COL8A1: variants seen among roughly 807,000 people sequenced by gnomAD.
COL8A1 encodes collagen type VIII alpha 1 chain, also known as collagen alpha-1(VIII) chain.
A neutral mutation model predicts 42.7 loss-of-function variants in COL8A1; 21 were observed. The ratio of observed to expected loss-of-function variants is 0.49; its 90% CI spans 0.35 to 0.71. The LOEUF is 0.71. Ranked by LOEUF, COL8A1 falls within the 30% of genes least tolerant of loss-of-function variation. The pLI, the probability that COL8A1 is intolerant of heterozygous loss-of-function variation, is 0.01. For missense variants in COL8A1, 788 were observed against 962.4 expected, an observed-to-expected ratio of 0.82 and a Z score of 2.40; for synonymous variants, 367 against 369.1, an observed-to-expected ratio of 0.99 and a Z score of 0.06.
chr3:99,707,820 A>G (rs1939724049), intron 1 of COL8A1, among the ~76,000 whole-genome samples: 1 of 152,178 alleles, frequency 6.6e-6, no homozygotes, highest in African/African-American at 2.4e-5. Flanking sequence ...TTAATTGAGC[A>G]CTATGTGCAG....
At chr3:99,723,676 AT>A (rs537695678) in intron 1 of COL8A1, among the ~76,000 whole-genome samples, 71 of 152,182 alleles carry the variant, frequency 4.7e-4, no homozygotes, top group African/African-American at 1.5e-3. Flanking sequence ...TTACAAGCAA[AT>A]CTCTTAGAAA....
chr3:99,730,231 T>C (rs551242121), intron 1 of COL8A1, among the ~76,000 whole-genome samples: 1 of 152,250 alleles, frequency 6.6e-6, no homozygotes, highest in East Asian at 1.9e-4. Context: ...GGAAGGAGAC[T>C]GGCTCAAAGG....
intron 1 of COL8A1, among the ~76,000 whole-genome samples, chr3:99,727,929 C>A (rs1185874176): frequency 6.6e-6 from 1 of 151,484 alleles, no homozygotes; most frequent in Admixed American, 6.6e-5. Flanking sequence ...AGGCCTTTGA[C>A]AAAATTCAAC....
intron 2 of COL8A1, among the ~76,000 whole-genome samples, chr3:99,773,837 A>ATATATTT (rs1200212756): frequency 2.2e-5 from 1 of 45,396 alleles, no homozygotes; most frequent in African/African-American, 1.3e-4. Flanking sequence ...ATATATATAT[A>ATATATTT]TTTTTTTTTT....
At position 99,795,609 on chromosome 3, in the gene COL8A1, C is replaced by A. The variant is rs754915313; in HGVS notation, c.1708C>A (p.Pro570Thr). ...GPPGPPGPPG[P>T]PAVMPPTPPP... ...CCCAGGCCCTCCAGGACCTCCAGGA[C>A]CCCCAGCTGTGATGCCCCCTACACC... Residue 570 changes from proline (P) to threonine (T), a missense_variant, in exon 4 of 4, where the codon CCC becomes ACC. Around this residue, in one of 4 missense-constraint regions of COL8A1, gnomAD observed 154 missense variants for 182.3 expected, o/e 0.84. Coordinates refer to ENST00000652472, the MANE Select transcript of COL8A1 (RefSeq NM_020351.4). The A allele has an allele frequency of 1.9e-6, 3 of 1,612,790 alleles. No individual in the cohort carries two copies. Among genetic ancestry groups the A allele is most frequent in the Non-Finnish European group, 2.5e-6 (3 of 1,179,296 alleles).
Position 99,796,078 on chromosome 3 carries a change from T to G in COL8A1, c.2177T>G (p.Leu726Arg). The part of the protein sequence containing the change: ...LQMPSEQAAG[L>R]YAGQYVHSSF... The stretch of plus-strand genomic sequence containing the variant: ...ATGCCCTCAGAACAGGCTGCAGGAC[T>G]GTATGCCGGGCAGTATGTCCACTCC... The change falls in exon 4 of 4, where the codon CTG (leucine) becomes CGG (arginine). Residue 726 changes from leucine to arginine, a missense_variant. By Grantham distance (102) the Leu-to-Arg change is moderately radical. Coordinates refer to ENST00000652472, the MANE Select transcript of COL8A1 (RefSeq NM_020351.4). 1 of 1,593,230 alleles carries G rather than the reference T, an allele frequency of 6.3e-7. No homozygotes were observed.
chr3:99,732,191 T>C (rs1940530555), intron 1 of COL8A1, among the ~76,000 whole-genome samples: 2 of 152,176 alleles, frequency 1.3e-5, no homozygotes, highest in African/African-American at 4.8e-5. Flanking sequence ...ATACATAAAT[T>C]CTTTTAATCA....
At chr3:99,700,705 A>G (rs979283453) in intron 1 of COL8A1, among the ~76,000 whole-genome samples, 5 of 152,090 alleles carry the variant, frequency 3.3e-5, no homozygotes, top group Admixed American at 2.6e-4. Flanking sequence ...TGTTTTTGAA[A>G]TTTCTTAAAT....
chr3:99,786,754 C>T (rs1188793045), intron 2 of COL8A1, among the ~76,000 whole-genome samples: 2 of 152,150 alleles, frequency 1.3e-5, no homozygotes, highest in Non-Finnish European at 2.9e-5. Flanking sequence ...AGAACATTTC[C>T]TGTTCTGAGT....
rs566982430 is a variant in COL8A1, at chr3:99,797,349, T to C, written c.*1213T>C. 2 of 152,326 alleles carry C rather than the reference T, an allele frequency of 1.3e-5. No homozygotes were observed. Among genetic ancestry groups the C allele is most frequent in the East Asian group, 3.9e-4 (2 of 5,174 alleles). 9.4% of individuals were successfully genotyped at this position (152,326 alleles called of 1,614,324 possible). ...GTGCAGTAGCACGATCTTGGCTTAC[T>C]GCAACCTCTACCTCCTAGGTTCAAG... On this transcript the variant is annotated 3_prime_UTR_variant, in exon 4 of 4. Coordinates refer to ENST00000652472, the MANE Select transcript of COL8A1 (RefSeq NM_020351.4).
intron 1 of COL8A1, among the ~76,000 whole-genome samples, chr3:99,684,400 G>A (rs564103227): frequency 7.9e-5 from 12 of 152,162 alleles, no homozygotes; most frequent in Non-Finnish European, 1.3e-4. Flanking sequence ...AGACTCAAAT[G>A]TATCTCTCTG....
chr3:99,688,038 C>T (rs532998792), intron 1 of COL8A1, among the ~76,000 whole-genome samples: 1 of 152,282 alleles, frequency 6.6e-6, no homozygotes, highest in South Asian at 2.1e-4. Context: ...CCCAAAATGC[C>T]TCCCAAACAT....
intron 1 of COL8A1, among the ~76,000 whole-genome samples, chr3:99,706,558 C>T (rs1024099421): frequency 6.6e-6 from 1 of 152,186 alleles, no homozygotes; most frequent in Non-Finnish European, 1.5e-5. Context: ...TTCAGACTGA[C>T]AACCTTGTGT....
intron 2 of COL8A1, among the ~76,000 whole-genome samples, chr3:99,781,613 C>T (rs555798274): frequency 6.6e-6 from 1 of 152,218 alleles, no homozygotes; most frequent in South Asian, 2.1e-4. Context: ...GATGAAATTT[C>T]CCCACATCTC....
At chr3:99,773,815 G>GTATATATATA (rs1553682062) in intron 2 of COL8A1, among the ~76,000 whole-genome samples, 15 of 35,908 alleles carry the variant, frequency 4.2e-4, no homozygotes, top group Non-Finnish European at 5.0e-4. Context: ...ATATATGTGT[G>GTATATATATA]TATATATATA....
intron 1 of COL8A1, among the ~76,000 whole-genome samples, chr3:99,675,378 A>G (rs1448553270): frequency 6.6e-6 from 1 of 152,110 alleles, no homozygotes; most frequent in Admixed American, 6.6e-5. Flanking sequence ...TTTCTGAGGC[A>G]TAAAGCACTT....
intron 2 of COL8A1, among the ~76,000 whole-genome samples, chr3:99,754,351 A>G (rs1387373448): frequency 1.3e-5 from 2 of 152,226 alleles, no homozygotes; most frequent in African/African-American, 4.8e-5. Flanking sequence ...AAGTCAGATT[A>G]AATTTTAGAG....
At chr3:99,724,571 A>G (rs1231797961) in intron 1 of COL8A1, among the ~76,000 whole-genome samples, 1 of 152,030 alleles carries the variant, frequency 6.6e-6, no homozygotes, top group Non-Finnish European at 1.5e-5. Flanking sequence ...CATTTTTACA[A>G]AGATTAATAT....
At chr3:99,774,317 C>T (rs1407883809) in intron 2 of COL8A1, among the ~76,000 whole-genome samples, 1 of 151,514 alleles carries the variant, frequency 6.6e-6, no homozygotes, top group Non-Finnish European at 1.5e-5. Context: ...TCATTCTTAG[C>T]CTGACTCAGA....
Sources: gnomAD v4.1 joint callset for allele counts (sites outside exome capture counted in the v4.1 genomes callset) on GRCh38, gnomAD v4.1.1 for gene constraint, gnomAD v4.1.1 regional missense constraint, MANE v1.5 for transcripts, NCBI Gene and HGNC (gene_info 2026-07-23, HGNC 2026-07-21) for gene names.